The following PCDH11Y variants were observed in gnomAD, a reference collection of about 807,000 sequenced individuals.
PCDH11Y encodes protocadherin-11 Y-linked.
For missense variants in PCDH11Y, 12 were observed against 224.8 expected (o/e 0.05, Z 6.05); for synonymous variants, 9 against 83.6 (o/e 0.11, Z 4.87).
chrY:5,328,146 G>A, intron 2 of PCDH11Y, among the ~76,000 whole-genome samples: 2 of 33,465 alleles, frequency 6.0e-5, no homozygotes, highest in Admixed American at 5.4e-4. Flanking sequence ...TGAACAGTCC[G>A]ATTTTCAGTG....
At chrY:5,232,973 C>A (rs2052969610) in intron 2 of PCDH11Y, among the ~76,000 whole-genome samples, 1 of 32,209 alleles carries the variant, frequency 3.1e-5, no homozygotes, top group Non-Finnish European at 7.5e-5. Context: ...AACAGGACAG[C>A]ACTTATTTCA....
intron 2 of PCDH11Y, among the ~76,000 whole-genome samples, chrY:5,318,480 T>C: frequency 2.4e-4 from 8 of 33,280 alleles, no homozygotes; most frequent in South Asian, 2.0e-3. Flanking sequence ...TTTTAAAGTG[T>C]CATTTGGGTA....
chrY:5,336,836 TA>T (rs1273180019), intron 2 of PCDH11Y, among the ~76,000 whole-genome samples: 187 of 24,752 alleles, frequency 7.6e-3, no homozygotes, highest in African/African-American at 0.027. Flanking sequence ...GAGGTTCTGG[TA>T]AAAAAAAAAA....
chrY:5,333,730 A>G, intron 2 of PCDH11Y, among the ~76,000 whole-genome samples: 1 of 32,436 alleles, frequency 3.1e-5, no homozygotes, highest in Admixed American at 2.8e-4. Context: ...CACTACTAAA[A>G]ATGCAAAAAT....
intron 3 of PCDH11Y, among the ~76,000 whole-genome samples, chrY:5,571,477 G>T: frequency 3.1e-5 from 1 of 32,136 alleles, no homozygotes; most frequent in Non-Finnish European, 7.6e-5. Flanking sequence ...AATAGAAAAT[G>T]TAAATAATAT....
At chrY:5,583,303 C>G (rs2053452315) in intron 4 of PCDH11Y, among the ~76,000 whole-genome samples, 1 of 32,328 alleles carries the variant, frequency 3.1e-5, no homozygotes, top group African/African-American at 1.2e-4. Context: ...AATTTGACAT[C>G]AGGTAATGTG....
chrY:5,327,758 C>T (rs1602905168), intron 2 of PCDH11Y, among the ~76,000 whole-genome samples: 2 of 31,927 alleles, frequency 6.3e-5, no homozygotes, highest in Admixed American at 2.9e-4. Context: ...TAAAATATCT[C>T]GGCCTAATAA....
chrY:5,200,971 G>A, intron 2 of PCDH11Y, among the ~76,000 whole-genome samples: 1 of 33,727 alleles, frequency 3.0e-5, no homozygotes, highest in Non-Finnish European at 7.3e-5. Flanking sequence ...CCTCTTCAAG[G>A]CCAGACATAC....
intron 2 of PCDH11Y, among the ~76,000 whole-genome samples, chrY:5,386,375 G>C: frequency 9.2e-5 from 3 of 32,504 alleles, no homozygotes; most frequent in Non-Finnish European, 2.2e-4. Flanking sequence ...TGTTCTTTGA[G>C]CTTTTTGTAT....
chrY:5,579,921 T>A, intron 3 of PCDH11Y, among the ~76,000 whole-genome samples: 20 of 30,764 alleles, frequency 6.5e-4, no homozygotes, highest in African/African-American at 2.5e-3. Context: ...TTAGTGGTTG[T>A]TAGTATATAA....
intron 2 of PCDH11Y, among the ~76,000 whole-genome samples, chrY:5,227,874 C>T: frequency 3.3e-5 from 1 of 30,062 alleles, no homozygotes; most frequent in Non-Finnish European, 8.0e-5. Context: ...AGATATTGGC[C>T]TGTAGTTTTA....
chrY:5,116,648 T>G, intron 2 of PCDH11Y, among the ~76,000 whole-genome samples: 1 of 33,332 alleles, frequency 3.0e-5, no homozygotes, highest in African/African-American at 1.2e-4. Flanking sequence ...TCTTATTCCC[T>G]TTTAATCTGA....
chrY:5,321,694 G>A (rs2124665800), intron 2 of PCDH11Y, among the ~76,000 whole-genome samples: 3 of 32,943 alleles, frequency 9.1e-5, no homozygotes, highest in Admixed American at 5.7e-4. Context: ...CAGGGACCAC[G>A]CATGGTGGCT....
chrY:5,061,798 C>T (rs2124629059), intron 1 of PCDH11Y, among the ~76,000 whole-genome samples: 2 of 33,054 alleles, frequency 6.1e-5, no homozygotes, highest in Non-Finnish European at 1.5e-4. Context: ...TGATCCTACT[C>T]AAGGCCTTCC....
intron 2 of PCDH11Y, among the ~76,000 whole-genome samples, chrY:5,320,984 AGTCAAGT>A (rs2053112071): frequency 3.0e-5 from 1 of 32,867 alleles, no homozygotes; most frequent in African/African-American, 1.2e-4. Context: ...AGGGGCCCTA[AGTCAAGT>A]GTATGTGTAT....
chrY:5,198,060 A>G (rs2124649480), intron 2 of PCDH11Y, among the ~76,000 whole-genome samples: 1 of 31,294 alleles, frequency 3.2e-5, no homozygotes, highest in Admixed American at 3.0e-4. Context: ...TATGTGAGCT[A>G]ATGTGTGTTA....
intron 2 of PCDH11Y, among the ~76,000 whole-genome samples, chrY:5,165,495 A>T: frequency 3.1e-5 from 1 of 32,548 alleles, no homozygotes; most frequent in Non-Finnish European, 7.6e-5. Flanking sequence ...GAAATGGAAA[A>T]ATCAGTTTGT....
At chrY:5,577,991 C>A in intron 3 of PCDH11Y, among the ~76,000 whole-genome samples, 1 of 33,176 alleles carries the variant, frequency 3.0e-5, no homozygotes, top group Non-Finnish European at 7.5e-5. Flanking sequence ...TTTCATGGGG[C>A]CTTTCCAGCT....
intron 2 of PCDH11Y, among the ~76,000 whole-genome samples, chrY:5,238,557 G>A: frequency 3.0e-5 from 1 of 33,320 alleles, no homozygotes; most frequent in African/African-American, 1.2e-4. Context: ...GGCAACAAAA[G>A]CCAAAATTGA....
Sources: gnomAD v4.1 joint callset for allele counts (sites outside exome capture counted in the v4.1 genomes callset) on GRCh38, gnomAD v4.1.1 for gene constraint, MANE v1.5 for transcripts, NCBI Gene and HGNC (gene_info 2026-07-23, HGNC 2026-07-21) for gene names.